SPIRE1: variants seen among roughly 807,000 people sequenced by gnomAD.
The protein encoded by SPIRE1 is protein spire homolog 1.
Under a neutral mutation model 94.1 loss-of-function variants are expected in SPIRE1, and 40 were observed. That is an observed-to-expected ratio of 0.43 (90% CI 0.33 to 0.55). The LOEUF (loss-of-function observed/expected upper bound fraction) is 0.55, where lower values mean the gene tolerates loss of function less well. Among genes scored for constraint, SPIRE1 ranks in the 20% least tolerant of loss-of-function variants. The pLI is 0.06. For synonymous variants in SPIRE1, 376 were observed against 371.7 expected (o/e 1.01, Z -0.13); for missense variants, 838 against 975.2 (o/e 0.86, Z 1.87).
chr18:12,545,745 T>C (rs1299422388), intron 3 of SPIRE1, among the ~76,000 whole-genome samples: 1 of 152,056 alleles, frequency 6.6e-6, no homozygotes, highest in Admixed American at 6.5e-5. Context: ...CAATCAGCTG[T>C]GACACTTGAG....
intron 6 of SPIRE1, among the ~76,000 whole-genome samples, chr18:12,505,421 G>A (rs1050287615): frequency 1.1e-4 from 17 of 151,928 alleles, no homozygotes; most frequent in African/African-American, 2.2e-4. Flanking sequence ...GCATGGTGGC[G>A]CACACCTGTG....
At chr18:12,498,128 T>A (rs1237834202) in intron 6 of SPIRE1, among the ~76,000 whole-genome samples, 1 of 152,164 alleles carries the variant, frequency 6.6e-6, no homozygotes, top group Non-Finnish European at 1.5e-5. Flanking sequence ...AATGTTCCAA[T>A]GAGAATGTCT....
In SPIRE1 at chr18:12,465,052, T is replaced by C; in HGVS notation, c.1405-94A>G. Reference sequence around the variant, plus strand: ...TTATTATTAAACAGTTATTTTAACATGAGGCACCAAAGTATGTCAAAGGTT... The same window carrying C: ...TTATTATTAAACAGTTATTTTAACACGAGGCACCAAAGTATGTCAAAGGTT... On this transcript the variant is annotated intron_variant, in intron 10 of 16. Transcript: ENST00000409402. 4 of 1,069,124 alleles carry C rather than the reference T, an allele frequency of 3.7e-6. No homozygotes were observed. In the South Asian group the frequency reaches 6.1e-5, roughly 16 times the overall value. 66.2% of individuals were successfully genotyped at this position (1,069,124 alleles called of 1,614,324 possible). A position where few individuals can be genotyped will look rare whatever the true frequency, so the allele number is the denominator to read the frequency against.
chr18:12,565,812 G>A lies in SPIRE1; in HGVS notation c.373-18908C>T, dbSNP rs150551581. 8.8e-3 allele frequency among the ~76,000 whole-genome samples: 1,342 copies of A among 152,062 alleles called. 25 individuals are homozygous for A. The highest frequency in any genetic ancestry group is 0.031 in the African/African-American group (1,296 of 41,486). On this transcript the variant is annotated intron_variant, in intron 2 of 16. Coordinates refer to ENST00000409402, the MANE Select transcript of SPIRE1 (RefSeq NM_001128626.2). The stretch of plus-strand genomic sequence containing the variant: ...GGAATTTGGGAGGCCGAGGCAGGCA[G>A]ATCATGAGGTCAGAAGTACGAGACC...
At chr18:12,619,803 G>A (rs185644301) in intron 2 of SPIRE1, among the ~76,000 whole-genome samples, 303 of 145,278 alleles carry the variant, frequency 2.1e-3, no homozygotes, top group African/African-American at 7.2e-3. Context: ...CCAAGATCGC[G>A]GCACTGCACT....
At chr18:12,600,201 A>G (rs1050907980) in intron 2 of SPIRE1, among the ~76,000 whole-genome samples, 1 of 152,118 alleles carries the variant, frequency 6.6e-6, no homozygotes, top group Non-Finnish European at 1.5e-5. Context: ...TCCCAGACTA[A>G]GCCTCCAGAT....
chr18:12,548,175 G>A (rs1315021027), intron 2 of SPIRE1, among the ~76,000 whole-genome samples: 1 of 152,146 alleles, frequency 6.6e-6, no homozygotes, highest in Non-Finnish European at 1.5e-5. Flanking sequence ...TGATCTCACT[G>A]CTCTCTCCTT....
At chr18:12,552,218 C>CTCT (rs568083264) in intron 2 of SPIRE1, among the ~76,000 whole-genome samples, 28 of 152,350 alleles carry the variant, frequency 1.8e-4, no homozygotes, top group African/African-American at 6.7e-4. Context: ...CTCTAAGCCA[C>CTCT]AAGGACTGCA....
chr18:12,546,612 A>G (rs2035178478), intron 3 of SPIRE1, 62 bp downstream of exon 3: 2 of 1,330,556 alleles, frequency 1.5e-6, no homozygotes, highest in South Asian at 1.2e-5. Flanking sequence ...AGGGGGGGAA[A>G]AAAAAGAAGA....
intron 1 of SPIRE1, among the ~76,000 whole-genome samples, chr18:12,636,605 G>A (rs1196267824): frequency 8.6e-5 from 13 of 151,686 alleles, no homozygotes; most frequent in Admixed American, 8.5e-4. Context: ...GGCTGAAACT[G>A]AGACCAGAAA....
At chr18:12,468,840 C>T (rs556144538) in intron 10 of SPIRE1, among the ~76,000 whole-genome samples, 1 of 152,284 alleles carries the variant, frequency 6.6e-6, no homozygotes, top group South Asian at 2.1e-4. Context: ...CAGAGGATCG[C>T]TTAAGCCAGG....
chr18:12,579,736 A>G (rs1389811405), intron 2 of SPIRE1, among the ~76,000 whole-genome samples: 1 of 152,216 alleles, frequency 6.6e-6, no homozygotes, highest in East Asian at 1.9e-4. Context: ...CAGGGGTTAC[A>G]AAAATTTCCA....
At chr18:12,590,533 A>G (rs565960402) in intron 2 of SPIRE1, among the ~76,000 whole-genome samples, 118 of 152,372 alleles carry the variant, frequency 7.7e-4, no homozygotes, top group Non-Finnish European at 1.5e-3. Context: ...AGAGAAAGTT[A>G]TAAGATGTTC....
intron 2 of SPIRE1, among the ~76,000 whole-genome samples, chr18:12,633,105 A>T (rs929044295): frequency 6.6e-6 from 1 of 152,180 alleles, no homozygotes; most frequent in Non-Finnish European, 1.5e-5. Context: ...CTGGAAGAAA[A>T]ATTACTTACT....
At chr18:12,642,469 C>A (rs367691877) in intron 1 of SPIRE1, among the ~76,000 whole-genome samples, 1 of 152,188 alleles carries the variant, frequency 6.6e-6, no homozygotes, top group Non-Finnish European at 1.5e-5. Flanking sequence ...ACTAGAGTCT[C>A]CCCTTGGACC....
In SPIRE1 at chr18:12,497,217, G is replaced by A. The variant is rs533916115; in HGVS notation, c.973-1115C>T. ...CTGCCTCCATCCACAAAACTTTTAA[G>A]TAGAAGAGCTATTGTGGAGGACCAG... is the stretch of plus-strand genomic sequence containing the variant. On this transcript the variant is annotated intron_variant, in intron 6 of 16. Coordinates refer to ENST00000409402, the MANE Select transcript of SPIRE1 (RefSeq NM_001128626.2). Among the ~76,000 whole-genome samples, 7 of 152,340 alleles carry A rather than the reference G, an allele frequency of 4.6e-5. No homozygotes were observed. The South Asian group carries it at 1.5e-3, about 32-fold the overall frequency.
chr18:12,453,804 G>A (rs2031369394), intron 13 of SPIRE1, among the ~76,000 whole-genome samples: 1 of 151,326 alleles, frequency 6.6e-6, no homozygotes, highest in Non-Finnish European at 1.5e-5. Context: ...CTTTTTTATT[G>A]AGACGGAGTC....
At chr18:12,576,708 T>C (rs777659602) in intron 2 of SPIRE1, among the ~76,000 whole-genome samples, 16 of 147,546 alleles carry the variant, frequency 1.1e-4, no homozygotes, top group Non-Finnish European at 1.9e-4. Flanking sequence ...GCTAACACGG[T>C]GAAACCCCGT....
chr18:12,641,988 C>T (rs569159156), intron 1 of SPIRE1, among the ~76,000 whole-genome samples: 6 of 151,600 alleles, frequency 4.0e-5, no homozygotes, highest in African/African-American at 1.2e-4. Context: ...CGCACCACCA[C>T]GCCCAGCTAA....
Sources: gnomAD v4.1 joint callset for allele counts (sites outside exome capture counted in the v4.1 genomes callset) on GRCh38, gnomAD v4.1.1 for gene constraint, MANE v1.5 for transcripts, NCBI Gene and HGNC (gene_info 2026-07-23, HGNC 2026-07-21) for gene names.